CELF1: variants seen among roughly 807,000 people sequenced by gnomAD.
CELF1 encodes the protein 50 kDa nuclear polyadenylated RNA-binding protein.
CELF1 carries 10 observed loss-of-function variants against 61.8 expected under a neutral mutation model. That is an observed-to-expected ratio of 0.16 (90% CI 0.10 to 0.27). The LOEUF is 0.27. CELF1 is among the 10% of genes least tolerant of loss of function. The pLI is 1.00. For synonymous variants in CELF1, 236 were observed against 225.1 expected (o/e 1.05, Z -0.43); for missense variants, 380 against 639.1 (o/e 0.59, Z 4.37).
rs773436905 is a variant in CELF1, at chr11:47,466,358, T to C, written c.*5872A>G. On this transcript the variant is annotated 3_prime_UTR_variant, in exon 15 of 15. Transcript: ENST00000687097. The stretch of plus-strand genomic sequence containing the variant: ...AGCATTTCTACGGCTGAATCACGAC[T>C]GAGTTGATTGAATCCCGTTGTTGCT... The C allele has an allele frequency of 1.3e-5, 2 of 152,222 alleles. No individual in the cohort carries two copies. Among genetic ancestry groups the C allele is most frequent in the Admixed American group, 6.5e-5 (1 of 15,286 alleles). 9.4% of individuals were successfully genotyped at this position (152,222 alleles called of 1,614,324 possible).
At chr11:47,505,737 G>C (rs1051608286) in intron 1 of CELF1, among the ~76,000 whole-genome samples, 12 of 148,708 alleles carry the variant, frequency 8.1e-5, no homozygotes, top group Non-Finnish European at 1.8e-4. Context: ...GATCACCTGA[G>C]GTCAGGAGTT....
intron 1 of CELF1, among the ~76,000 whole-genome samples, chr11:47,547,811 T>TAAGAAA: frequency 6.6e-6 from 1 of 151,224 alleles, no homozygotes; most frequent in Non-Finnish European, 1.5e-5. Context: ...TTACATGAAA[T>TAAGAAA]ATCTAGAATA....
At chr11:47,540,388 C>A (rs960566046) in intron 1 of CELF1, among the ~76,000 whole-genome samples, 1 of 152,210 alleles carries the variant, frequency 6.6e-6, no homozygotes, top group Non-Finnish European at 1.5e-5. Context: ...TCTTTTACCA[C>A]ATAAACAGCT....
rs2077893916 is a variant in CELF1, at chr11:47,472,136, GTCAACACACAGCC to G, written c.*81_*93del. ...GTGGCAGGGATCAGGGTCCAGGGCT[GTCAACACACAGCC>G]TCAGGGCTTCGAATCATTAAGGGTG... is the stretch of plus-strand genomic sequence containing the variant. On this transcript the variant is annotated 3_prime_UTR_variant, in exon 15 of 15. Coordinates refer to ENST00000687097, the MANE Select transcript of CELF1 (RefSeq NM_001376376.1). The G allele has an allele frequency of 2.0e-6, 3 of 1,490,348 alleles. No homozygotes were observed. Among genetic ancestry groups the G allele is most frequent in the Non-Finnish European group, 2.8e-6 (3 of 1,085,474 alleles). 92.3% of individuals were successfully genotyped at this position (1,490,348 alleles called of 1,614,324 possible).
At chr11:47,531,272 C>CA (rs144326170) in intron 1 of CELF1, among the ~76,000 whole-genome samples, 9,329 of 149,766 alleles carry the variant, frequency 0.062, 938 homozygotes, top group African/African-American at 0.22. Flanking sequence ...CAACAAAAAA[C>CA]AAAAAAAAAC....
intron 13 of CELF1, among the ~76,000 whole-genome samples, chr11:47,473,449 T>C (rs1472595004): frequency 5.3e-5 from 8 of 152,140 alleles, no homozygotes; most frequent in Admixed American, 3.9e-4. Context: ...CTCCATCTCA[T>C]TGAGGATGTG....
At chr11:47,558,116 G>A (rs112698108), upstream of CELF1, among the ~76,000 whole-genome samples, 1 of 151,986 alleles carries the variant, frequency 6.6e-6, no homozygotes, top group African/African-American at 2.4e-5. Flanking sequence ...CTCAGCCTCC[G>A]AAAGTGTTGG....
chr11:47,554,401 T>C (rs1324557939), upstream of CELF1, among the ~76,000 whole-genome samples: 7 of 152,164 alleles, frequency 4.6e-5, no homozygotes. Context: ...AATATTACCA[T>C]ATATTTGCTG....
At chr11:47,518,212 T>C (rs911705836) in intron 1 of CELF1, among the ~76,000 whole-genome samples, 6 of 152,236 alleles carry the variant, frequency 3.9e-5, no homozygotes, top group Non-Finnish European at 1.5e-5. Context: ...TCCAGCAGTA[T>C]ATCATAATTA....
At chr11:47,505,420 T>A (rs1402645157) in intron 1 of CELF1, among the ~76,000 whole-genome samples, 1 of 150,468 alleles carries the variant, frequency 6.6e-6, no homozygotes, top group African/African-American at 2.4e-5. Flanking sequence ...GATCACGAGG[T>A]CAGATCGAGA....
intron 12 of CELF1, among the ~76,000 whole-genome samples, chr11:47,475,992 T>C (rs376667303): frequency 2.0e-5 from 3 of 152,000 alleles, no homozygotes; most frequent in East Asian, 1.9e-4. Context: ...ACTTTACCTA[T>C]GTTCTAATTT....
At chr11:47,505,064 A>T (rs2094368283) in intron 1 of CELF1, among the ~76,000 whole-genome samples, 1 of 151,248 alleles carries the variant, frequency 6.6e-6, no homozygotes, top group South Asian at 2.1e-4. Flanking sequence ...TGAAAACGAA[A>T]AAGTTTTCCA....
chr11:47,531,800 A>T (rs898062717), intron 1 of CELF1, among the ~76,000 whole-genome samples: 7 of 152,186 alleles, frequency 4.6e-5, no homozygotes, highest in African/African-American at 1.7e-4. Context: ...AGCACATTGT[A>T]AAGTACTTTA....
rs11388505 is a variant in CELF1 at position 47,520,010 on chromosome 11, T to TAA, written c.-153-19080_-153-19079dup. ...TTTCATTTTTACAAAAACAAGCTCT[T>TAA]AAAAAAAAAAGCCAGGAGATCTATC... On this transcript the variant is annotated intron_variant, in intron 1 of 14. Coordinates refer to ENST00000687097, the MANE Select transcript of CELF1 (RefSeq NM_001376376.1). Among the ~76,000 whole-genome samples, 96 of 147,984 alleles carry TAA rather than the reference T, an allele frequency of 6.5e-4. 1 individual carries two copies. Among genetic ancestry groups the TAA allele is most frequent in the South Asian group, 2.8e-3 (13 of 4,714 alleles).
At chr11:47,526,635 A>G (rs1031442953) in intron 1 of CELF1, among the ~76,000 whole-genome samples, 1 of 152,238 alleles carries the variant, frequency 6.6e-6, no homozygotes, top group Non-Finnish European at 1.5e-5. Flanking sequence ...AGCCTGTTGA[A>G]TAAATTTTAA....
At position 47,499,482 on chromosome 11, in the gene CELF1, C is replaced by T; in HGVS notation, c.42G>A (p.Val14=). 2.0e-6 allele frequency: 3 copies of T among 1,535,890 alleles called. No homozygotes were observed. The highest frequency in any genetic ancestry group is 1.2e-5 in the South Asian group (1 of 84,058). ...GACTGGAATTCAAAGAGCAATGATC[C>T]ACCATCATTTCTGGAAGGAAATCCA... The part of the protein sequence containing the change: ...FKLDFLPEMM[V]DHCSLNSSPV... Residue 14 remains valine (V), a synonymous_variant, in exon 3 of 15, where the codon GTG becomes GTA. Transcript: ENST00000687097.
chr11:47,493,791 C>T (rs1040194385), intron 3 of CELF1, among the ~76,000 whole-genome samples: 5 of 152,106 alleles, frequency 3.3e-5, no homozygotes, highest in African/African-American at 7.2e-5. Context: ...AGCAACAACC[C>T]GCATGTATAC....
At position 47,534,050 on chromosome 11, in the gene CELF1, T is replaced by C. The variant is rs1200472857; in HGVS notation, c.-154+18942A>G. On this transcript the variant is annotated intron_variant, in intron 1 of 14. Transcript: ENST00000687097. ...TTTTTTTTTTTTTTTTTTTTGGACATAGAGTTTCACTCTTGTTGCCCAGGC... is the reference window on the plus strand; with the variant it reads ...TTTTTTTTTTTTTTTTTTTTGGACACAGAGTTTCACTCTTGTTGCCCAGGC... Among the ~76,000 whole-genome samples, 10 of 112,632 alleles carry C rather than the reference T, an allele frequency of 8.9e-5. No homozygotes were observed. In the Admixed American group the frequency reaches 1.1e-3, roughly 13 times the overall value. 73.9% of individuals were successfully genotyped at this position (112,632 alleles called of 152,430 possible).
At chr11:47,554,193 G>A (rs11039292), upstream of CELF1, among the ~76,000 whole-genome samples, 1 of 151,938 alleles carries the variant, frequency 6.6e-6, no homozygotes, top group Non-Finnish European at 1.5e-5. Flanking sequence ...CTTTGGGGGG[G>A]AAAAAAACTA....
Sources: allele counts gnomAD v4.1 joint callset (sites outside exome capture counted in the v4.1 genomes callset), GRCh38; gene constraint gnomAD v4.1.1; transcripts MANE v1.5; gene names NCBI Gene and HGNC (gene_info 2026-07-23, HGNC 2026-07-21).